The following MACROD2 variants were observed in gnomAD, a reference collection of about 807,000 sequenced individuals.
The protein encoded by MACROD2 is mono-ADP ribosylhydrolase 2.
Under a neutral mutation model 70.4 loss-of-function variants are expected in MACROD2, and 36 were observed. The ratio of observed to expected loss-of-function variants is 0.51; its 90% CI spans 0.39 to 0.68. MACROD2 has a LOEUF of 0.68. Ranked by LOEUF, MACROD2 falls within the 30% of genes least tolerant of loss-of-function variation. The probability of loss-of-function intolerance (pLI) is 0.00; values close to 1 mark genes in which losing one functional copy is unlikely to be tolerated. For missense variants in MACROD2, 496 were observed against 538.4 expected, an observed-to-expected ratio of 0.92 and a Z score of 0.78; for synonymous variants, 172 against 178.8, an observed-to-expected ratio of 0.96 and a Z score of 0.30.
At chr20:15,830,114 G>C (rs1172012398) in intron 8 of MACROD2, among the ~76,000 whole-genome samples, 1 of 152,162 alleles carries the variant, frequency 6.6e-6, no homozygotes, top group East Asian at 1.9e-4. Flanking sequence ...GTGGTGGGCA[G>C]CCATATATGT....
intron 8 of MACROD2, among the ~76,000 whole-genome samples, chr20:15,673,405 A>G (rs1292519772): frequency 1.3e-5 from 2 of 152,216 alleles, no homozygotes; most frequent in African/African-American, 2.4e-5. Flanking sequence ...TGTAAAAAGA[A>G]TGGAATTTCA....
At chr20:15,700,785 G>A (rs1405899181) in intron 8 of MACROD2, among the ~76,000 whole-genome samples, 1 of 152,168 alleles carries the variant, frequency 6.6e-6, no homozygotes, top group Non-Finnish European at 1.5e-5. Flanking sequence ...CCCAGAGCTA[G>A]ACTTAATAAG....
At chr20:15,156,718 G>A (rs542430511) in intron 5 of MACROD2, among the ~76,000 whole-genome samples, 11 of 152,202 alleles carry the variant, frequency 7.2e-5, no homozygotes, top group African/African-American at 2.6e-4. Flanking sequence ...GGAGAGAATG[G>A]GAAGTCAAGG....
intron 5 of MACROD2, among the ~76,000 whole-genome samples, chr20:15,055,106 C>T (rs1182903344): frequency 2.0e-5 from 3 of 152,140 alleles, no homozygotes; most frequent in Non-Finnish European, 2.9e-5. Flanking sequence ...CCTTCCACCA[C>T]ACCCAGCTAA....
At chr20:14,408,452 C>T (rs1337413899) in intron 3 of MACROD2, among the ~76,000 whole-genome samples, 1 of 152,188 alleles carries the variant, frequency 6.6e-6, no homozygotes, top group Non-Finnish European at 1.5e-5. Context: ...CTTAAGTATG[C>T]TCCCGAGAGT....
At chr20:14,242,505 G>A (rs1314779187) in intron 3 of MACROD2, among the ~76,000 whole-genome samples, 2 of 152,034 alleles carry the variant, frequency 1.3e-5, no homozygotes, top group African/African-American at 2.4e-5. Flanking sequence ...AGTGACTGTG[G>A]ACCACATATA....
intron 3 of MACROD2, chr20:14,337,367 T>G (rs2082957379): frequency 3.0e-6 from 1 of 329,722 alleles, no homozygotes; most frequent in East Asian, 4.4e-5. Flanking sequence ...GCAAACTTTC[T>G]GGGACAATCA....
chr20:15,368,966 T>A (rs1405720597), intron 6 of MACROD2, among the ~76,000 whole-genome samples: 1 of 152,228 alleles, frequency 6.6e-6, no homozygotes, highest in Admixed American at 6.5e-5. Context: ...TAATCTTTGT[T>A]ATTCTGCAAT....
intron 4 of MACROD2, among the ~76,000 whole-genome samples, chr20:14,498,898 T>A (rs2084886402): frequency 6.6e-6 from 1 of 152,184 alleles, no homozygotes; most frequent in Non-Finnish European, 1.5e-5. Context: ...TCTGTTTCGC[T>A]CTTGTTAAAC....
At chr20:14,419,127 T>C (rs1207961181) in intron 3 of MACROD2, among the ~76,000 whole-genome samples, 1 of 152,146 alleles carries the variant, frequency 6.6e-6, no homozygotes, top group Non-Finnish European at 1.5e-5. Flanking sequence ...GGATCTCGGC[T>C]CACCGCAACC....
chr20:14,181,324 T>G (rs1464500465), intron 3 of MACROD2, among the ~76,000 whole-genome samples: 2 of 152,066 alleles, frequency 1.3e-5, no homozygotes, highest in African/African-American at 4.8e-5. Context: ...CGCCTTGGCC[T>G]CCCAAAGCAC....
chr20:15,848,897 G>C (rs2064265073), intron 8 of MACROD2, among the ~76,000 whole-genome samples: 2 of 152,148 alleles, frequency 1.3e-5, no homozygotes, highest in Non-Finnish European at 2.9e-5. Flanking sequence ...AAGCTGGAAA[G>C]ATGACTAAAA....
chr20:15,661,318 G>T (rs374870085), intron 8 of MACROD2, among the ~76,000 whole-genome samples: 8 of 152,264 alleles, frequency 5.3e-5, no homozygotes, highest in African/African-American at 1.9e-4. Context: ...AAGAGGCAGG[G>T]CACCAGCAAA....
rs558530057 is a variant in MACROD2, at chr20:14,355,877, A to T, written c.272-137602A>T. 6.6e-5 allele frequency among the ~76,000 whole-genome samples: 10 copies of T among 152,240 alleles called. No homozygotes were observed. The South Asian group carries it at 1.5e-3, about 22-fold the overall frequency. On this transcript the variant is annotated intron_variant, in intron 3 of 17. Coordinates refer to ENST00000684519, the MANE Select transcript of MACROD2 (RefSeq NM_001351661.2). ...TATTGGGAGTGGAGAGGGCCCTTTTATGAAATGAAGTCTCTTATTTCTTTG... is the reference window on the plus strand; with the variant it reads ...TATTGGGAGTGGAGAGGGCCCTTTTTTGAAATGAAGTCTCTTATTTCTTTG...
rs565383333 is a variant in MACROD2 at position 15,438,053 on chromosome 20, G to C, written c.571+6618G>C. On this transcript the variant is annotated intron_variant, in intron 7 of 17. Coordinates refer to ENST00000684519, the MANE Select transcript of MACROD2 (RefSeq NM_001351661.2). The stretch of plus-strand genomic sequence containing the variant: ...ATCTATAATCCCAGCTACTCAGGAG[G>C]CTGAAGCAGGAGGATTGCTGGAACC... 2.0e-5 allele frequency among the ~76,000 whole-genome samples: 3 copies of C among 152,186 alleles called. No individual in the cohort carries two copies. The East Asian group carries it at 5.8e-4, about 29-fold the overall frequency.
rs563589129 is a variant in MACROD2 at position 15,892,934 on chromosome 20, A to G, written c.775+7123A>G. The G allele has an allele frequency of 9.4e-4, 375 of 398,916 alleles. 1 individual carries two copies. Among genetic ancestry groups the G allele is most frequent in the African/African-American group, 7.3e-3 (355 of 48,718 alleles). The allele number at this position is 398,916 out of a possible 1,614,324, so 24.7% of individuals were successfully genotyped here. ...AAATCTTCGTGATTCCAGAGGGGTTAGAGCCAAAAGGCCTCTCTCCACCCT... is the reference window on the plus strand; with the variant it reads ...AAATCTTCGTGATTCCAGAGGGGTTGGAGCCAAAAGGCCTCTCTCCACCCT... On this transcript the variant is annotated intron_variant, in intron 10 of 17. Coordinates refer to ENST00000684519, the MANE Select transcript of MACROD2 (RefSeq NM_001351661.2).
intron 6 of MACROD2, among the ~76,000 whole-genome samples, chr20:15,353,730 C>T (rs1233936433): frequency 7.9e-6 from 1 of 127,042 alleles, no homozygotes; most frequent in Non-Finnish European, 1.7e-5. Flanking sequence ...ATTTATGCAG[C>T]CAAAAGACAC....
chr20:14,141,018 C>A (rs767950577), intron 3 of MACROD2, among the ~76,000 whole-genome samples: 6 of 152,204 alleles, frequency 3.9e-5, no homozygotes, highest in Non-Finnish European at 8.8e-5. Flanking sequence ...AGTGAAAAAT[C>A]TCTTCTGTTC....
At chr20:14,636,914 A>G (rs1843636635) in intron 4 of MACROD2, among the ~76,000 whole-genome samples, 2 of 152,220 alleles carry the variant, frequency 1.3e-5, no homozygotes, top group African/African-American at 2.4e-5. Flanking sequence ...AAGTAAAGGC[A>G]CTGAATTGTG....
Sources: allele counts gnomAD v4.1 joint callset (sites outside exome capture counted in the v4.1 genomes callset), GRCh38; gene constraint gnomAD v4.1.1; transcripts MANE v1.5; gene names NCBI Gene and HGNC (gene_info 2026-07-23, HGNC 2026-07-21).